The following NALF1 variants were observed in gnomAD, a reference collection of about 807,000 sequenced individuals.
The protein encoded by NALF1 is family with sequence similarity 155 member A.
Under a neutral mutation model 48.4 loss-of-function variants are expected in NALF1, and 3 were observed. The ratio of observed to expected loss-of-function variants is 0.06; its 90% CI spans 0.03 to 0.16. The LOEUF (loss-of-function observed/expected upper bound fraction) is 0.16, where lower values mean the gene tolerates loss of function less well. NALF1 is among the 10% of genes least tolerant of loss of function. NALF1 has a pLI of 1.00. For missense variants in NALF1, 526 were observed against 571.5 expected (o/e 0.92, Z 0.81); for synonymous variants, 262 against 245.7 (o/e 1.07, Z -0.62).
rs1036457323 is a variant in NALF1, at chr13:107,403,723, T to TA, written c.916-192969dup. 3.3e-5 allele frequency among the ~76,000 whole-genome samples: 5 copies of TA among 150,770 alleles called. No individual in the cohort carries two copies. The South Asian group carries it at 6.3e-4, about 19-fold the overall frequency. On this transcript the variant is annotated intron_variant, in intron 1 of 2. Coordinates refer to ENST00000375915, the MANE Select transcript of NALF1 (RefSeq NM_001080396.3). ...GAAGGCCTTCTTTTGCCACAAATTT[T>TA]AAAAAAAAACTCACCTTTTTTAGAA...
intron 1 of NALF1, among the ~76,000 whole-genome samples, chr13:107,758,182 T>C (rs1006678418): frequency 1.3e-5 from 2 of 152,174 alleles, no homozygotes; most frequent in Non-Finnish European, 2.9e-5. Context: ...AGAACTGTGA[T>C]TGCATTTTGA....
chr13:107,719,888 G>A (rs1321872930), intron 1 of NALF1, among the ~76,000 whole-genome samples: 2 of 151,962 alleles, frequency 1.3e-5, no homozygotes, highest in African/African-American at 4.8e-5. Context: ...ATGACTGCAT[G>A]GCTGATTTTC....
At chr13:107,611,706 C>A (rs1301819202) in intron 1 of NALF1, among the ~76,000 whole-genome samples, 1 of 150,528 alleles carries the variant, frequency 6.6e-6, no homozygotes, top group Non-Finnish European at 1.5e-5. Context: ...AAAAGCAAGA[C>A]CAAATTTCTA....
At chr13:107,178,538 C>T (rs778743174) in intron 2 of NALF1, among the ~76,000 whole-genome samples, 1 of 152,090 alleles carries the variant, frequency 6.6e-6, no homozygotes, top group Admixed American at 6.6e-5. Flanking sequence ...GGCTTTTATC[C>T]AAAACACAGG....
intron 2 of NALF1, among the ~76,000 whole-genome samples, chr13:107,191,867 AGACGGGG>A (rs1879289928): frequency 7.8e-6 from 1 of 127,836 alleles, no homozygotes; most frequent in Non-Finnish European, 1.6e-5. Flanking sequence ...TTTTTAGTAG[AGACGGGG>A]TTTCACCATA....
At chr13:107,680,895 A>G (rs1881282744) in intron 1 of NALF1, among the ~76,000 whole-genome samples, 2 of 150,988 alleles carry the variant, frequency 1.3e-5, no homozygotes, top group South Asian at 4.2e-4. Context: ...TCCATGAGAG[A>G]GGGTGAGTGG....
intron 1 of NALF1, among the ~76,000 whole-genome samples, chr13:107,830,221 C>A (rs1424097084): frequency 6.6e-6 from 1 of 152,132 alleles, no homozygotes. Context: ...ATGTGCAGAC[C>A]CAAAGATCTG....
chr13:107,673,931 T>G (rs1357831155), intron 1 of NALF1, among the ~76,000 whole-genome samples: 3 of 152,150 alleles, frequency 2.0e-5, no homozygotes, highest in Non-Finnish European at 4.4e-5. Context: ...CACAGATGAC[T>G]TAAGTGTTCT....
At chr13:107,640,533 C>T (rs1039185307) in intron 1 of NALF1, among the ~76,000 whole-genome samples, 2 of 152,130 alleles carry the variant, frequency 1.3e-5, no homozygotes, top group African/African-American at 2.4e-5. Flanking sequence ...ATCAGTTTTA[C>T]TATATAAGAT....
intron 1 of NALF1, among the ~76,000 whole-genome samples, chr13:107,361,691 G>C (rs575884750): frequency 5.9e-5 from 9 of 152,272 alleles, no homozygotes; most frequent in African/African-American, 2.2e-4. Flanking sequence ...TTTGTTGTGA[G>C]TCTACAACTT....
At chr13:107,477,907 A>C (rs1885197338) in intron 1 of NALF1, among the ~76,000 whole-genome samples, 1 of 152,112 alleles carries the variant, frequency 6.6e-6, no homozygotes, top group South Asian at 2.1e-4. Context: ...TCTATCTCCC[A>C]GTCCTTATAG....
At chr13:107,697,469 T>C (rs1185446784) in intron 1 of NALF1, among the ~76,000 whole-genome samples, 6 of 152,150 alleles carry the variant, frequency 3.9e-5, no homozygotes, top group African/African-American at 7.2e-5. Flanking sequence ...GTTCTAAAAC[T>C]TGATTGGTAT....
At chr13:107,230,474 CGTT>C (rs1365608360) in intron 1 of NALF1, among the ~76,000 whole-genome samples, 1 of 151,892 alleles carries the variant, frequency 6.6e-6, no homozygotes, top group Non-Finnish European at 1.5e-5. Context: ...AATATATTGA[CGTT>C]GTATTTATCT....
intron 1 of NALF1, among the ~76,000 whole-genome samples, chr13:107,298,229 A>T (rs1007970660): frequency 2.2e-4 from 33 of 151,498 alleles, no homozygotes; most frequent in Non-Finnish European, 3.7e-4. Context: ...GGGCGCCTGT[A>T]GTCCCAACTA....
At chr13:107,652,581 C>A (rs1349319921) in intron 1 of NALF1, among the ~76,000 whole-genome samples, 7 of 152,088 alleles carry the variant, frequency 4.6e-5, no homozygotes, top group Non-Finnish European at 4.4e-5. Flanking sequence ...TGGTGCCCAT[C>A]CCACATGTAA....
intron 1 of NALF1, among the ~76,000 whole-genome samples, chr13:107,420,874 C>T (rs1366687825): frequency 6.6e-6 from 1 of 152,090 alleles, no homozygotes; most frequent in Non-Finnish European, 1.5e-5. Context: ...TTGTCATTAG[C>T]TAGAAGACAT....
At chr13:107,314,184 A>G (rs1328722719) in intron 1 of NALF1, among the ~76,000 whole-genome samples, 1 of 152,104 alleles carries the variant, frequency 6.6e-6, no homozygotes, top group African/African-American at 2.4e-5. Flanking sequence ...CTCCAGCCCC[A>G]CAATCACTAC....
At chr13:107,647,784 T>C (rs1023595496) in intron 1 of NALF1, among the ~76,000 whole-genome samples, 6 of 152,074 alleles carry the variant, frequency 3.9e-5, no homozygotes, top group East Asian at 1.9e-4. Flanking sequence ...CATTACATAA[T>C]GCAAACAACT....
At chr13:107,701,574 G>T (rs1881820885) in intron 1 of NALF1, among the ~76,000 whole-genome samples, 1 of 151,958 alleles carries the variant, frequency 6.6e-6, no homozygotes, top group African/African-American at 2.4e-5. Flanking sequence ...ACTGGGGTGG[G>T]GTCACAGAAG....
Sources: allele counts gnomAD v4.1 joint callset (sites outside exome capture counted in the v4.1 genomes callset), GRCh38; gene constraint gnomAD v4.1.1; transcripts MANE v1.5; gene names NCBI Gene and HGNC (gene_info 2026-07-23, HGNC 2026-07-21).